RIMBP2: variants seen among roughly 807,000 people sequenced by gnomAD.
RIMBP2 encodes the protein RIMS binding protein 2, also known as RIMS-binding protein 2.
RIMBP2 carries 48 observed loss-of-function variants against 118.6 expected under a neutral mutation model. The observed-to-expected ratio is 0.40, with a 90% CI of 0.32 to 0.51. RIMBP2 has a LOEUF of 0.51. Ranked by LOEUF, RIMBP2 falls within the 20% of genes least tolerant of loss-of-function variation. RIMBP2 has a pLI of 0.41. For synonymous variants in RIMBP2, 762 were observed against 742.9 expected (o/e 1.03, Z -0.42); for missense variants, 1,551 against 1,768.3 (o/e 0.88, Z 2.20).
At chr12:130,714,927 A>G (rs1487606) in intron 1 of RIMBP2, among the ~76,000 whole-genome samples, 89,585 of 152,056 alleles carry the variant, frequency 0.59, 26,704 homozygotes, top group African/African-American at 0.68. Flanking sequence ...GGAGGTGGTG[A>G]TTTTTTAGAG....
At chr12:130,595,111 A>G (rs1260899999) in intron 2 of RIMBP2, among the ~76,000 whole-genome samples, 2 of 152,210 alleles carry the variant, frequency 1.3e-5, no homozygotes, top group African/African-American at 4.8e-5. Context: ...AATGCACTTT[A>G]AAGACATACA....
chr12:130,674,780 G>A (rs1275738866), intron 1 of RIMBP2, among the ~76,000 whole-genome samples: 5 of 143,846 alleles, frequency 3.5e-5, no homozygotes, highest in Non-Finnish European at 4.6e-5. Flanking sequence ...CCCCACCCCC[G>A]CCCCTGCACC....
intron 4 of RIMBP2, among the ~76,000 whole-genome samples, chr12:130,492,288 T>G (rs191094392): frequency 5.4e-4 from 83 of 152,350 alleles, no homozygotes; most frequent in African/African-American, 1.9e-3. Flanking sequence ...GCATCACGAC[T>G]GTCTGTCCTA....
chr12:130,656,809 T>C lies in RIMBP2; in HGVS notation c.-351-28353A>G, dbSNP rs111578591. 1.1e-4 allele frequency among the ~76,000 whole-genome samples: 17 copies of C among 147,896 alleles called. 2 individuals are homozygous for C. Among genetic ancestry groups the C allele is most frequent in the African/African-American group, 4.3e-4 (16 of 37,424 alleles). ...CTGTGGTCCCAGCTACTTGGGAGGC[T>C]GAGGTGGCAGGATGGTTTGAGCCTG... On this transcript the variant is annotated intron_variant, in intron 1 of 22. Coordinates refer to ENST00000690449, the MANE Select transcript of RIMBP2 (RefSeq NM_001393629.1).
chr12:130,611,200 G>A (rs1036628727), intron 2 of RIMBP2, among the ~76,000 whole-genome samples: 6 of 152,176 alleles, frequency 3.9e-5, no homozygotes, highest in African/African-American at 7.2e-5. Context: ...CACAGGGACC[G>A]GGAACCGCCG....
intron 2 of RIMBP2, among the ~76,000 whole-genome samples, chr12:130,541,414 T>C (rs1309579865): frequency 6.6e-6 from 1 of 152,244 alleles, no homozygotes; most frequent in Admixed American, 6.5e-5. Flanking sequence ...GGAATGTTTC[T>C]TCCTCTTACA....
At chr12:130,677,212 C>T (rs762652690) in intron 1 of RIMBP2, among the ~76,000 whole-genome samples, 33 of 152,090 alleles carry the variant, frequency 2.2e-4, no homozygotes, top group Non-Finnish European at 4.1e-4. Flanking sequence ...CAGCCCCCTA[C>T]AAATGGGCCA....
In RIMBP2 at chr12:130,584,634, AT is replaced by A. The variant is rs1408300991; in HGVS notation, c.-217+43687del. Among the ~76,000 whole-genome samples, 3 of 127,430 alleles carry A rather than the reference AT, an allele frequency of 2.4e-5. No homozygotes were observed. In the East Asian group the frequency reaches 7.1e-4, roughly 30 times the overall value. 83.6% of individuals were successfully genotyped at this position (127,430 alleles called of 152,430 possible). On this transcript the variant is annotated intron_variant, in intron 2 of 22. Transcript: ENST00000690449. ...TGACCATTACATCATCATCACTGCC[AT>A]CACCTCATCACCATCACCTCATCAC...
intron 15 of RIMBP2, chr12:130,425,195 A>C: frequency 4.6e-6 from 1 of 215,422 alleles, no homozygotes; most frequent in Non-Finnish European, 9.1e-6. Flanking sequence ...GCTGCTGTAG[A>C]TGGTGGGTGT....
chr12:130,437,103 T>C lies in RIMBP2; in HGVS notation c.1845A>G (p.Gln615=), dbSNP rs1011237523. 4.4e-6 allele frequency: 7 copies of C among 1,577,600 alleles called. No homozygotes were observed. Among genetic ancestry groups the C allele is most frequent in the East Asian group, 2.3e-5 (1 of 44,166 alleles). ...CTCCAGAACTTGCTAATGGCTTTGA[T>C]TGGGGTGCAGGTCTCGGGTGGGGGG... is the stretch of plus-strand genomic sequence containing the variant. ...PPTPHPRPAP[Q]SKPLASSGVP... The change falls in exon 13 of 23, where the codon CAA becomes CAG. Residue 615 remains glutamine, a synonymous_variant. Coordinates refer to ENST00000690449, the MANE Select transcript of RIMBP2 (RefSeq NM_001393629.1).
intron 11 of RIMBP2, among the ~76,000 whole-genome samples, chr12:130,441,455 A>T (rs1389961538): frequency 7.4e-6 from 1 of 135,700 alleles, no homozygotes; most frequent in Non-Finnish European, 1.6e-5. Context: ...ATAATTTACA[A>T]GGACGAGAAA....
At chr12:130,441,808 T>G in intron 11 of RIMBP2, 40 bp downstream of exon 11, 1 of 1,564,366 alleles carries the variant, frequency 6.4e-7, no homozygotes, top group Non-Finnish European at 8.7e-7. Flanking sequence ...CATCCTGGCG[T>G]TCTCTCCCTG....
At chr12:130,573,424 G>A (rs1022066885) in intron 2 of RIMBP2, among the ~76,000 whole-genome samples, 1 of 151,530 alleles carries the variant, frequency 6.6e-6, no homozygotes, top group Admixed American at 6.6e-5. Flanking sequence ...GTGTGAGTGT[G>A]TGCGTGGGTG....
chr12:130,550,423 G>T (rs145474219), intron 2 of RIMBP2, among the ~76,000 whole-genome samples: 3 of 152,290 alleles, frequency 2.0e-5, no homozygotes, highest in East Asian at 1.9e-4. Flanking sequence ...ACAAAAGTAG[G>T]CTGAAACCTT....
intron 2 of RIMBP2, among the ~76,000 whole-genome samples, chr12:130,589,406 A>G (rs978489412): frequency 3.9e-5 from 6 of 152,264 alleles, no homozygotes; most frequent in Non-Finnish European, 7.3e-5. Context: ...GCACTCATTG[A>G]TGTACTCAAT....
intron 1 of RIMBP2, among the ~76,000 whole-genome samples, chr12:130,645,956 G>A (rs549255446): frequency 6.6e-6 from 1 of 152,172 alleles, no homozygotes; most frequent in Non-Finnish European, 1.5e-5. Flanking sequence ...GCACTCCTAT[G>A]CTTTTAAAGA....
chr12:130,436,897 G>T lies in RIMBP2; in HGVS notation c.2051C>A (p.Thr684Asn), dbSNP rs1282275741. 6.3e-7 allele frequency: 1 copy of T among 1,594,788 alleles called. No homozygotes were observed. Among genetic ancestry groups the T allele is most frequent in the Admixed American group, 1.7e-5 (1 of 58,194 alleles). ...CTCCCGGGCCATGGCCTTGGCGACG[G>T]TGGTGGACACCGGGGTGCCCTGTGG... ...PQPQGTPVST[T>N]VAKAMAREAA... The change falls in exon 13 of 23, where the codon ACC (threonine) becomes AAC (asparagine). Residue 684 changes from threonine to asparagine, a missense_variant. Transcript: ENST00000690449.
At chr12:130,443,304 C>G (rs994975486) in intron 10 of RIMBP2, among the ~76,000 whole-genome samples, 11 of 151,144 alleles carry the variant, frequency 7.3e-5, no homozygotes, top group African/African-American at 2.2e-4. Flanking sequence ...ATAGTGGGGA[C>G]CGCTGTATTT....
chr12:130,415,628 C>T (rs61934557), intron 17 of RIMBP2, among the ~76,000 whole-genome samples: 3 of 77,688 alleles, frequency 3.9e-5, no homozygotes, highest in Non-Finnish European at 6.6e-5. Context: ...ACTGATGATA[C>T]GGCATCCATA....
Sources: allele counts gnomAD v4.1 joint callset (sites outside exome capture counted in the v4.1 genomes callset), GRCh38; gene constraint gnomAD v4.1.1; transcripts MANE v1.5; gene names NCBI Gene and HGNC (gene_info 2026-07-23, HGNC 2026-07-21).